Variants in RHPN2 observed in about 807,000 individuals in gnomAD.
RHPN2 encodes the protein rhophilin Rho GTPase binding protein 2, also known as rhophilin-2.
A neutral mutation model predicts 79.0 loss-of-function variants in RHPN2; 40 were observed. That is an observed-to-expected ratio of 0.51 (90% CI 0.39 to 0.66). The LOEUF is 0.66. Among genes scored for constraint, RHPN2 ranks in the 30% least tolerant of loss-of-function variants. The pLI, the probability that RHPN2 is intolerant of heterozygous loss-of-function variation, is 0.00. For synonymous variants in RHPN2, 285 were observed against 363.5 expected (o/e 0.78, Z 2.46); for missense variants, 686 against 883.5 (o/e 0.78, Z 2.83).
chr19:32,996,940 C>T (rs182588474), intron 10 of RHPN2, among the ~76,000 whole-genome samples: 1 of 152,032 alleles, frequency 6.6e-6, no homozygotes, highest in East Asian at 1.9e-4. Flanking sequence ...TTGTTTCGCA[C>T]GCTGGAGTAC....
At chr19:33,013,209 CAAAA>C (rs1360480004) in intron 4 of RHPN2, among the ~76,000 whole-genome samples, 1 of 75,846 alleles carries the variant, frequency 1.3e-5, no homozygotes, top group Non-Finnish European at 2.4e-5. Context: ...AAACAAAAAA[CAAAA>C]AACAGAGTTT....
At chr19:33,039,184 C>T (rs1446150537) in intron 2 of RHPN2, among the ~76,000 whole-genome samples, 2 of 152,124 alleles carry the variant, frequency 1.3e-5, no homozygotes. Flanking sequence ...GAGGCTGGAG[C>T]GAGGACTGTC....
intron 1 of RHPN2, among the ~76,000 whole-genome samples, chr19:33,063,627 G>C (rs1454497928): frequency 1.3e-5 from 2 of 152,206 alleles, no homozygotes; most frequent in Non-Finnish European, 2.9e-5. Context: ...GGCTTGGAAG[G>C]CATCACCATG....
intron 1 of RHPN2, among the ~76,000 whole-genome samples, chr19:33,052,546 A>G (rs1972197628): frequency 6.6e-6 from 1 of 152,052 alleles, no homozygotes; most frequent in Non-Finnish European, 1.5e-5. Flanking sequence ...CAACCACCAA[A>G]CTCTGGAAAA....
At chr19:33,034,200 C>T (rs914995073) in intron 2 of RHPN2, among the ~76,000 whole-genome samples, 21 of 141,556 alleles carry the variant, frequency 1.5e-4, no homozygotes, top group South Asian at 2.6e-4. Context: ...AGGCCAGGCG[C>T]GGTGGCTCAC....
At chr19:32,999,782 C>G (rs780176181) in intron 9 of RHPN2, 77 bp from the exon 10 acceptor site, 379 of 1,562,000 alleles carry the variant, frequency 2.4e-4, no homozygotes, top group Non-Finnish European at 3.1e-4. Context: ...TCTACCATGT[C>G]TCCAGCTTCC....
chr19:33,008,096 G>C lies in RHPN2; in HGVS notation c.678C>G (p.Leu226=), dbSNP rs1971807916. The change falls in exon 7 of 15, where the codon CTC becomes CTG. Residue 226 remains leucine (L), a synonymous_variant. Transcript: ENST00000254260. The stretch of plus-strand genomic sequence containing the variant: ...CACACCGGGTCCCAATCTGGGTGTA[G>C]AGGGCCCCAGTGTTGAACAGGACAC... ...KASVLFNTGA[L]YTQIGTRCDR... is the part of the protein sequence containing the mutation. 1 of 1,614,008 alleles carries C rather than the reference G, an allele frequency of 6.2e-7. No individual in the cohort carries two copies. The highest frequency in any genetic ancestry group is 1.3e-5 in the African/African-American group (1 of 75,030).
At chr19:33,012,600 G>T in intron 5 of RHPN2, 47 bp downstream of exon 5, 1 of 1,189,340 alleles carries the variant, frequency 8.4e-7, no homozygotes, top group Non-Finnish European at 1.3e-6. Context: ...GTTCCCTGAA[G>T]ACTCGGAAAA....
At chr19:33,009,022 T>G (rs1971815677) in intron 6 of RHPN2, among the ~76,000 whole-genome samples, 2 of 52,644 alleles carry the variant, frequency 3.8e-5, no homozygotes, top group African/African-American at 4.8e-4. Context: ...CATTGCTACC[T>G]ACTGTATACG....
At chr19:33,057,693 T>G (rs1050103568) in intron 1 of RHPN2, among the ~76,000 whole-genome samples, 1 of 104,432 alleles carries the variant, frequency 9.6e-6, no homozygotes. Context: ...AAAAAAAAGA[T>G]AGAAAAAAAA....
At chr19:32,989,758 C>T (rs1393664081) in intron 14 of RHPN2, among the ~76,000 whole-genome samples, 1 of 151,452 alleles carries the variant, frequency 6.6e-6, no homozygotes, top group Non-Finnish European at 1.5e-5. Context: ...TGGCTTGAGC[C>T]CAGGAGTTCA....
rs28407794 is a variant in RHPN2 at position 33,002,328 on chromosome 19, C to G, written c.1024G>C (p.Ala342Pro). The change falls in exon 9 of 15, where the codon GCC becomes CCC. Residue 342 changes from alanine to proline, a missense_variant. Physicochemically the swap from Ala to Pro is conservative, Grantham distance 27 (BLOSUM62 -1). Transcript: ENST00000254260. Reference protein sequence around the residue: ...PVKENIPYSWASLACVKAHHY... With the variant: ...PVKENIPYSWPSLACVKAHHY... ...TGGGCCTTCACGCAGGCTAAGCTGG[C>G]CCAGGAGTAGGGGATGTTCTCTTTC... is the stretch of plus-strand genomic sequence containing the variant. 4,670 of 1,613,914 alleles carry G rather than the reference C, an allele frequency of 2.9e-3. 118 individuals carry two copies. In the African/African-American group the frequency reaches 0.055, roughly 19 times the overall value.
At chr19:33,007,755 T>G (rs1971803511) in intron 7 of RHPN2, among the ~76,000 whole-genome samples, 1 of 151,400 alleles carries the variant, frequency 6.6e-6, no homozygotes, top group South Asian at 2.1e-4. Flanking sequence ...GCAAGTTTTT[T>G]TTTTTTTTTT....
At chr19:33,047,040 G>A (rs1221460517) in intron 1 of RHPN2, among the ~76,000 whole-genome samples, 1 of 151,934 alleles carries the variant, frequency 6.6e-6, no homozygotes, top group Non-Finnish European at 1.5e-5. Flanking sequence ...CCATTTTTTG[G>A]TAGAGACAAG....
chr19:33,036,870 G>GCCCCCCCCCCCCCCCC (rs199550754), intron 2 of RHPN2, among the ~76,000 whole-genome samples: 3 of 141,334 alleles, frequency 2.1e-5, no homozygotes, highest in African/African-American at 8.5e-5. Context: ...CCATGCCTGA[G>GCCCCCCCCCCCCCCCC]CCCCCCCGCC....
intron 9 of RHPN2, 117 bp from the exon 10 acceptor site, chr19:32,999,822 G>A (rs1171530837): frequency 1.5e-6 from 2 of 1,366,662 alleles, no homozygotes; most frequent in Admixed American, 1.9e-5. Context: ...AGGCATTTGG[G>A]ATCATGGGTC....
chr19:33,046,163 A>T (rs1568325253), intron 1 of RHPN2, among the ~76,000 whole-genome samples: 1 of 152,188 alleles, frequency 6.6e-6, no homozygotes, highest in Admixed American at 6.6e-5. Context: ...AAGGCTGTTT[A>T]TGTGCGTACA....
intron 6 of RHPN2, 98 bp from the exon 7 acceptor site, chr19:33,008,278 A>G: frequency 8.3e-7 from 1 of 1,204,292 alleles, no homozygotes; most frequent in Non-Finnish European, 1.2e-6. Context: ...AAGAGTCAAT[A>G]TCTCACTCTG....
chr19:32,993,937 T>TC (rs1438720036), intron 12 of RHPN2, 40 bp downstream of exon 12: 1 of 1,452,416 alleles, frequency 6.9e-7, no homozygotes, highest in East Asian at 2.3e-5. Context: ...TGAAGAGCTG[T>TC]CCCCTTAGGT....
Sources: allele counts gnomAD v4.1 joint callset (sites outside exome capture counted in the v4.1 genomes callset), GRCh38; gene constraint gnomAD v4.1.1; transcripts MANE v1.5; gene names NCBI Gene and HGNC (gene_info 2026-07-23, HGNC 2026-07-21).